SLC29A3: variants seen among roughly 807,000 people sequenced by gnomAD.
SLC29A3 encodes equilibrative nucleoside transporter 3.
Under a neutral mutation model 25.4 loss-of-function variants are expected in SLC29A3, and 18 were observed. The ratio of observed to expected loss-of-function variants is 0.71; its 90% CI spans 0.49 to 1.05. The LOEUF is 1.05. Among genes scored for constraint, SLC29A3 ranks in the 50% least tolerant of loss-of-function variants. SLC29A3 has a pLI of 0.00. For missense variants in SLC29A3, 586 were observed against 609.0 expected, an observed-to-expected ratio of 0.96 and a Z score of 0.40; for synonymous variants, 258 against 267.1, an observed-to-expected ratio of 0.97 and a Z score of 0.33.
In SLC29A3 at chr10:71,356,226, C is replaced by G. The variant is rs752368157; in HGVS notation, c.756C>G (p.Ser252=). ...GCATGGGACTCTACCTGCTGCTGTC[C>G]AGGCTGGAGTATGCCAGGTGAAGGT... ...VLCMGLYLLL[S]RLEYARYYMR... is the part of the protein sequence containing the mutation. The change falls in exon 5 of 6, where the codon TCC becomes TCG. Residue 252 remains serine (S), a synonymous_variant. Coordinates refer to ENST00000373189, the MANE Select transcript of SLC29A3 (RefSeq NM_018344.6). 2 of 1,613,836 alleles carry G rather than the reference C, an allele frequency of 1.2e-6. No individual in the cohort carries two copies. The highest frequency in any genetic ancestry group is 4.5e-5 in the East Asian group (2 of 44,884).
chr10:71,368,953 G>A (rs545839440), intron 3 of SLC29A3, among the ~76,000 whole-genome samples: 1 of 152,354 alleles, frequency 6.6e-6, no homozygotes, highest in East Asian at 1.9e-4. Context: ...ATGAATGTTT[G>A]TGTCCTCCCC....
At chr10:71,372,274 C>CA (rs1220862621) in intron 3 of SLC29A3, among the ~76,000 whole-genome samples, 12 of 152,222 alleles carry the variant, frequency 7.9e-5, no homozygotes, top group Admixed American at 3.9e-4. Context: ...TTAATCCATT[C>CA]AGTCACTAGG....
intron 3 of SLC29A3, among the ~76,000 whole-genome samples, chr10:71,349,230 A>G (rs542949552): frequency 8.9e-4 from 135 of 152,272 alleles, no homozygotes; most frequent in African/African-American, 3.2e-3. Flanking sequence ...TACCCACAAT[A>G]AAAGGATGTC....
Position 71,362,035 on chromosome 10 carries a change from G to T in SLC29A3, c.855G>T (p.Ser285=), listed in dbSNP as rs566110994. 1.2e-6 allele frequency: 2 copies of T among 1,613,866 alleles called. No homozygotes were observed. The highest frequency in any genetic ancestry group is 2.7e-5 in the African/African-American group (2 of 74,850). The change falls in exon 6 of 6, where the codon TCG becomes TCT. Residue 285 remains serine (S), a synonymous_variant. Transcript: ENST00000373189. ...CCCAGGACTCCCTCAGTGCCCCTTC[G>T]GTGGCCTCCAGATTCATTGATTCCC... The part of the protein sequence containing the change: ...ELPQDSLSAP[S]VASRFIDSHT...
chr10:71,360,435 T>C (rs1847026637), intron 5 of SLC29A3, among the ~76,000 whole-genome samples: 1 of 152,140 alleles, frequency 6.6e-6, no homozygotes, highest in Non-Finnish European at 1.5e-5. Context: ...GACAAGAACC[T>C]GTCTTCTACC....
rs898445475 is a variant in SLC29A3 at position 71,351,417 on chromosome 10, C to T, written c.384-145C>T. The T allele has an allele frequency of 1.3e-5, 9 of 671,566 alleles. No individual in the cohort carries two copies. In the African/African-American group the frequency reaches 1.6e-4, roughly 12 times the overall value. 41.6% of individuals were successfully genotyped at this position (671,566 alleles called of 1,614,324 possible). Reference sequence around the variant, plus strand: ...CCACACAGCTAGGGAGCCGGGAAGGCAGGATTCGAGTGCAGGCCTCTTGAC... The same window carrying T: ...CCACACAGCTAGGGAGCCGGGAAGGTAGGATTCGAGTGCAGGCCTCTTGAC... On this transcript the variant is annotated intron_variant, in intron 3 of 5. Coordinates refer to ENST00000373189, the MANE Select transcript of SLC29A3 (RefSeq NM_018344.6).
intron 4 of SLC29A3, chr10:71,379,670 A>T (rs1217630579): frequency 6.6e-6 from 1 of 152,196 alleles, no homozygotes; most frequent in African/African-American, 2.4e-5. Flanking sequence ...CACTTATTCT[A>T]TTTTATGGAA....
At chr10:71,377,061 C>T (rs959908473) in intron 4 of SLC29A3, among the ~76,000 whole-genome samples, 6 of 152,208 alleles carry the variant, frequency 3.9e-5, no homozygotes, top group African/African-American at 1.4e-4. Context: ...CCACCGCGCC[C>T]GGCCCTGTCT....
intron 2 of SLC29A3, among the ~76,000 whole-genome samples, chr10:71,328,027 G>A (rs1388712309): frequency 6.6e-6 from 1 of 152,180 alleles, no homozygotes; most frequent in East Asian, 1.9e-4. Flanking sequence ...ACCCCGGAGA[G>A]AAGAGTGTCT....
intron 4 of SLC29A3, among the ~76,000 whole-genome samples, chr10:71,376,212 T>C (rs948610525): frequency 2.6e-5 from 4 of 152,236 alleles, no homozygotes; most frequent in South Asian, 2.1e-4. Flanking sequence ...TTGATACTGA[T>C]AGAACTATTG....
intron 1 of SLC29A3, among the ~76,000 whole-genome samples, chr10:71,321,351 C>T (rs754962888): frequency 2.0e-5 from 3 of 152,180 alleles, no homozygotes; most frequent in African/African-American, 4.8e-5. Flanking sequence ...CTTCTTGGTA[C>T]GATGCTTTGA....
At chr10:71,337,748 C>T (rs537825748) in intron 2 of SLC29A3, among the ~76,000 whole-genome samples, 4 of 152,322 alleles carry the variant, frequency 2.6e-5, no homozygotes, top group East Asian at 1.9e-4. Flanking sequence ...CCTCCCTGCC[C>T]GAAGAAACCT....
intron 2 of SLC29A3, among the ~76,000 whole-genome samples, chr10:71,342,839 CTGCGATTATCATTTTAAT>C (rs1846447564): frequency 6.6e-6 from 1 of 152,230 alleles, no homozygotes; most frequent in Non-Finnish European, 1.5e-5. Flanking sequence ...ACCTCACTAG[CTGCGATTATCATTTTAAT>C]TGCAAGGCCA....
intron 2 of SLC29A3, among the ~76,000 whole-genome samples, chr10:71,327,612 T>C (rs535361966): frequency 6.6e-6 from 1 of 152,078 alleles, no homozygotes; most frequent in Non-Finnish European, 1.5e-5. Context: ...TAGGAAGGGC[T>C]ATAGGGAATT....
intron 4 of SLC29A3, among the ~76,000 whole-genome samples, chr10:71,353,741 T>C (rs1846823501): frequency 6.6e-6 from 1 of 152,096 alleles, no homozygotes; most frequent in South Asian, 2.1e-4. Flanking sequence ...GCACAGCCCG[T>C]CTGTGAATTC....
Position 71,362,980 on chromosome 10 carries a change from A to G in SLC29A3, c.*372A>G, listed in dbSNP as rs1019924626. ...AAAACCCAGCCATGGGCTCTTTGCA[A>G]CCTCCCAGCTGCGCTCATTCCAGCT... is the stretch of plus-strand genomic sequence containing the variant. On this transcript the variant is annotated 3_prime_UTR_variant, in exon 6 of 6. Transcript: ENST00000373189. 4 of 476,662 alleles carry G rather than the reference A, an allele frequency of 8.4e-6. No homozygotes were observed. Among genetic ancestry groups the G allele is most frequent in the African/African-American group, 7.8e-5 (4 of 51,002 alleles). The allele number at this position is 476,662 out of a possible 1,614,324, so 29.5% of individuals were successfully genotyped here. A position where few individuals can be genotyped will look rare whatever the true frequency, so the allele number is the denominator to read the frequency against.
At chr10:71,353,652 C>G (rs1358814608) in intron 4 of SLC29A3, among the ~76,000 whole-genome samples, 1 of 152,136 alleles carries the variant, frequency 6.6e-6, no homozygotes, top group Non-Finnish European at 1.5e-5. Context: ...CGTGGGTGCC[C>G]AACACCCTGG....
intron 4 of SLC29A3, among the ~76,000 whole-genome samples, chr10:71,352,297 T>G (rs369604662): frequency 3.3e-5 from 5 of 152,130 alleles, no homozygotes; most frequent in African/African-American, 1.2e-4. Context: ...AGCCATAAGC[T>G]CACCCAGACT....
At chr10:71,339,983 G>A (rs557366963) in intron 2 of SLC29A3, among the ~76,000 whole-genome samples, 1 of 152,286 alleles carries the variant, frequency 6.6e-6, no homozygotes, top group Admixed American at 6.5e-5. Context: ...ACTGGCACAC[G>A]GGCTTGACAC....
Sources: gnomAD v4.1 joint callset for allele counts (sites outside exome capture counted in the v4.1 genomes callset) on GRCh38, gnomAD v4.1.1 for gene constraint, MANE v1.5 for transcripts, NCBI Gene and HGNC (gene_info 2026-07-23, HGNC 2026-07-21) for gene names.